Variants in HS3ST3A1 observed in about 807,000 individuals in gnomAD.
The protein encoded by HS3ST3A1 is heparan sulfate-glucosamine 3-sulfotransferase 3A1.
A neutral mutation model predicts 25.7 loss-of-function variants in HS3ST3A1; 19 were observed. The observed-to-expected ratio is 0.74, with a 90% CI of 0.52 to 1.08. HS3ST3A1 has a LOEUF of 1.08. Ranked by LOEUF, HS3ST3A1 falls within the 50% of genes least tolerant of loss-of-function variation. The pLI is 0.00. For missense variants in HS3ST3A1, 459 were observed against 594.3 expected (o/e 0.77, Z 2.37); for synonymous variants, 226 against 278.6 (o/e 0.81, Z 1.88).
intron 1 of HS3ST3A1, among the ~76,000 whole-genome samples, chr17:13,575,668 G>T (rs949116323): frequency 6.6e-6 from 1 of 152,204 alleles, no homozygotes; most frequent in Non-Finnish European, 1.5e-5. Flanking sequence ...TAAGAAGGGA[G>T]GGAAATTGTA....
intron 1 of HS3ST3A1, among the ~76,000 whole-genome samples, chr17:13,526,474 T>TTATATATATATATATATATATATA (rs58701744): frequency 2.6e-5 from 2 of 76,280 alleles, no homozygotes; most frequent in African/African-American, 1.1e-4. Context: ...ACTTTAATTT[T>TTATATATATATATATATATATATA]TATATATATA....
At chr17:13,594,180 G>A (rs1567632963) in intron 1 of HS3ST3A1, among the ~76,000 whole-genome samples, 1 of 152,076 alleles carries the variant, frequency 6.6e-6, no homozygotes, top group Non-Finnish European at 1.5e-5. Flanking sequence ...GTATTATATC[G>A]GGGATCATGA....
chr17:13,502,040 CTGCT>C (rs1282969830), intron 1 of HS3ST3A1, among the ~76,000 whole-genome samples: 4 of 152,086 alleles, frequency 2.6e-5, no homozygotes, highest in Non-Finnish European at 5.9e-5. Context: ...AGGAAGGAAA[CTGCT>C]TGGCAATTTT....
At chr17:13,586,380 G>T (rs1333080100) in intron 1 of HS3ST3A1, among the ~76,000 whole-genome samples, 1 of 151,706 alleles carries the variant, frequency 6.6e-6, no homozygotes, top group African/African-American at 2.4e-5. Context: ...ATGCCACCGA[G>T]AACTAGATTT....
intron 1 of HS3ST3A1, among the ~76,000 whole-genome samples, chr17:13,550,307 A>G (rs1368413098): frequency 6.6e-6 from 1 of 152,154 alleles, no homozygotes; most frequent in East Asian, 1.9e-4. Flanking sequence ...GAACACAGCT[A>G]CACCTCATTT....
chr17:13,513,575 T>G (rs1410429303), intron 1 of HS3ST3A1, among the ~76,000 whole-genome samples: 1 of 152,232 alleles, frequency 6.6e-6, no homozygotes, highest in Non-Finnish European at 1.5e-5. Context: ...TGTTAATAAC[T>G]TATTTATAAA....
chr17:13,560,289 CAAAAAAA>C (rs10632927), intron 1 of HS3ST3A1, among the ~76,000 whole-genome samples: 895 of 17,288 alleles, frequency 0.052, 23 homozygotes, highest in Middle Eastern at 0.3. Context: ...CACTCGTCTC[CAAAAAAA>C]AAAAAAAAAA....
intron 1 of HS3ST3A1, among the ~76,000 whole-genome samples, chr17:13,517,083 G>A (rs535628932): frequency 7.9e-5 from 12 of 152,256 alleles, no homozygotes; most frequent in South Asian, 2.1e-4. Flanking sequence ...GCATACATGC[G>A]TTTTTCTGAG....
intron 1 of HS3ST3A1, among the ~76,000 whole-genome samples, chr17:13,545,748 G>T (rs143691466): frequency 6.4e-4 from 98 of 152,266 alleles, no homozygotes; most frequent in African/African-American, 2.2e-3. Context: ...GGGCCGAGGC[G>T]CATGGATCAC....
intron 1 of HS3ST3A1, among the ~76,000 whole-genome samples, chr17:13,534,836 A>G (rs1567616838): frequency 1.3e-5 from 2 of 151,868 alleles, no homozygotes; most frequent in South Asian, 4.2e-4. Context: ...GACCAGCCTG[A>G]CTAACATGGA....
chr17:13,594,801 A>G (rs889168996), intron 1 of HS3ST3A1, among the ~76,000 whole-genome samples: 1 of 152,146 alleles, frequency 6.6e-6, no homozygotes, highest in Non-Finnish European at 1.5e-5. Context: ...CATCCTTACT[A>G]GACAGATCAT....
chr17:13,571,283 G>A (rs1405089673), intron 1 of HS3ST3A1, among the ~76,000 whole-genome samples: 2 of 152,192 alleles, frequency 1.3e-5, no homozygotes, highest in African/African-American at 2.4e-5. Context: ...ACTAGAGTAA[G>A]TACATAACCT....
chr17:13,496,888 C>T, intron 1 of HS3ST3A1, 70 bp from the exon 2 acceptor site: 2 of 1,546,312 alleles, frequency 1.3e-6, no homozygotes, highest in East Asian at 2.3e-5. Flanking sequence ...CTGTCAAGTA[C>T]ACGCTGGAGC....
intron 1 of HS3ST3A1, among the ~76,000 whole-genome samples, chr17:13,550,033 CATT>C: frequency 6.6e-6 from 1 of 152,254 alleles, no homozygotes; most frequent in East Asian, 1.9e-4. Flanking sequence ...AAACTTGTCT[CATT>C]TATTCTCAGA....
Position 13,495,504 on chromosome 17 carries a change from T to C in HS3ST3A1, c.*693A>G, listed in dbSNP as rs1445043228. The stretch of plus-strand genomic sequence containing the variant: ...CTAACCATTTCTAAAGGTGCAGATG[T>C]CTTCTTTTCCATTCTCCCTGGAAAA... On this transcript the variant is annotated 3_prime_UTR_variant, in exon 2 of 2. Transcript: ENST00000284110. 6.6e-6 allele frequency among the ~76,000 whole-genome samples: 1 copy of C among 152,164 alleles called. No individual in the cohort carries two copies. The highest frequency in any genetic ancestry group is 1.5e-5 in the Non-Finnish European group (1 of 68,024).
At chr17:13,527,243 A>G (rs1016842925) in intron 1 of HS3ST3A1, among the ~76,000 whole-genome samples, 2 of 152,096 alleles carry the variant, frequency 1.3e-5, no homozygotes, top group African/African-American at 4.8e-5. Flanking sequence ...AAGACACTGA[A>G]CTATGTTCCT....
intron 1 of HS3ST3A1, among the ~76,000 whole-genome samples, chr17:13,504,220 G>A (rs1598407423): frequency 6.6e-6 from 1 of 152,270 alleles, no homozygotes; most frequent in South Asian, 2.1e-4. Flanking sequence ...GGGAGGCTGA[G>A]TCAGGAGAAT....
chr17:13,595,787 G>C (rs1406550918), intron 1 of HS3ST3A1, among the ~76,000 whole-genome samples: 1 of 152,148 alleles, frequency 6.6e-6, no homozygotes, highest in African/African-American at 2.4e-5. Flanking sequence ...CAATTTGACT[G>C]ATGGTGATTG....
At chr17:13,562,320 G>A (rs1050119028) in intron 1 of HS3ST3A1, among the ~76,000 whole-genome samples, 1 of 152,112 alleles carries the variant, frequency 6.6e-6, no homozygotes, top group Non-Finnish European at 1.5e-5. Flanking sequence ...CAAGAGGCAG[G>A]GACAGACGTG....
Sources: allele counts gnomAD v4.1 joint callset (sites outside exome capture counted in the v4.1 genomes callset), GRCh38; gene constraint gnomAD v4.1.1; transcripts MANE v1.5; gene names NCBI Gene and HGNC (gene_info 2026-07-23, HGNC 2026-07-21).